Variants in PKD1L1 observed in about 807,000 individuals in gnomAD.
The protein encoded by PKD1L1 is polycystin 1 like 1, transient receptor potential channel interacting, also known as polycystin-1-like protein 1.
In PKD1L1, 236 loss-of-function variants were observed where a neutral mutation model predicts 323.4. The observed-to-expected ratio is 0.73, with a 90% CI of 0.66 to 0.81. The LOEUF is 0.81. PKD1L1 is among the 40% of genes least tolerant of loss of function. The pLI, the probability that PKD1L1 is intolerant of heterozygous loss-of-function variation, is 0.00. For missense variants in PKD1L1, 3,320 were observed against 3,508.0 expected (o/e 0.95, Z 1.35); for synonymous variants, 1,344 against 1,335.0 (o/e 1.01, Z -0.15).
chr7:47,921,129 C>T (rs1166733426), intron 7 of PKD1L1, among the ~76,000 whole-genome samples: 4 of 151,488 alleles, frequency 2.6e-5, no homozygotes, highest in Non-Finnish European at 5.9e-5. Context: ...GAAAAAAAAT[C>T]TTCACAATCT....
At chr7:47,901,110 C>T (rs531087580) in intron 13 of PKD1L1, among the ~76,000 whole-genome samples, 2 of 151,984 alleles carry the variant, frequency 1.3e-5, no homozygotes, top group African/African-American at 4.8e-5. Context: ...GAGGCCAAGG[C>T]AGGTGGATCA....
intron 23 of PKD1L1, among the ~76,000 whole-genome samples, chr7:47,874,463 A>T (rs1786357225): frequency 6.6e-6 from 1 of 152,174 alleles, no homozygotes; most frequent in Admixed American, 6.5e-5. Flanking sequence ...TGCCCTATGT[A>T]TCTTTATAAC....
chr7:47,913,068 G>A (rs567408217), intron 8 of PKD1L1, among the ~76,000 whole-genome samples: 1 of 152,080 alleles, frequency 6.6e-6, no homozygotes, highest in South Asian at 2.1e-4. Flanking sequence ...TGATGCTGCT[G>A]GGCCAAACTT....
At chr7:47,923,457 G>A (rs910683013) in intron 7 of PKD1L1, among the ~76,000 whole-genome samples, 4 of 151,678 alleles carry the variant, frequency 2.6e-5, no homozygotes, top group East Asian at 1.9e-4. Flanking sequence ...GGTGATGGTT[G>A]CACCAAAATC....
chr7:47,858,422 A>C (rs1785950826), intron 27 of PKD1L1, among the ~76,000 whole-genome samples: 1 of 152,196 alleles, frequency 6.6e-6, no homozygotes, highest in South Asian at 2.1e-4. Context: ...AAATATCCCA[A>C]ATGAAAATCT....
intron 19 of PKD1L1, among the ~76,000 whole-genome samples, chr7:47,882,759 C>T (rs1452486714): frequency 6.6e-6 from 1 of 152,108 alleles, no homozygotes; most frequent in Non-Finnish European, 1.5e-5. Flanking sequence ...ATGCTGGGTG[C>T]ACAGCCACGG....
intron 56 of PKD1L1, among the ~76,000 whole-genome samples, chr7:47,778,486 G>GT (rs1474731752): frequency 6.6e-6 from 1 of 152,126 alleles, no homozygotes; most frequent in Non-Finnish European, 1.5e-5. Context: ...ATACAGACCT[G>GT]GTGGCTCATC....
At chr7:47,959,516 C>G in the PKD1L1 span, among the ~76,000 whole-genome samples, 2 of 149,872 alleles carry the variant, frequency 1.3e-5, no homozygotes, top group East Asian at 4.0e-4. Flanking sequence ...CGGCCGCGAC[C>G]CCGTCTGGGA....
chr7:47,876,031 CCA>C, intron 23 of PKD1L1, 64 bp downstream of exon 23: 1 of 1,546,596 alleles, frequency 6.5e-7, no homozygotes, highest in Non-Finnish European at 8.8e-7. Flanking sequence ...TTTTTGAAAA[CCA>C]GGAAAAAAGG....
chr7:47,836,393 G>A (rs1663244002), intron 37 of PKD1L1, among the ~76,000 whole-genome samples: 1 of 152,102 alleles, frequency 6.6e-6, no homozygotes, highest in South Asian at 2.1e-4. Flanking sequence ...CTCAGTCCAC[G>A]TCCTGCTGTG....
At chr7:47,835,895 C>T (rs1209341103) in intron 37 of PKD1L1, among the ~76,000 whole-genome samples, 2 of 152,198 alleles carry the variant, frequency 1.3e-5, no homozygotes, top group Non-Finnish European at 2.9e-5. Context: ...AAATGCTTGC[C>T]GAGCACCCAC....
the PKD1L1 span, among the ~76,000 whole-genome samples, chr7:47,957,862 A>AATATATATATATATAT: frequency 3.7e-3 from 499 of 134,668 alleles, 1 homozygote; most frequent in Non-Finnish European, 6.1e-3. Flanking sequence ...ATTAAAAAAA[A>AATATATATATATATAT]ATATATATAT....
At position 47,946,735 on chromosome 7, in the gene PKD1L1, C is replaced by A. The variant is rs1725037994; in HGVS notation, c.44+1662G>T. On this transcript the variant is annotated intron_variant, in intron 1 of 56. Transcript: ENST00000289672. The surrounding 1 kb of genome is among the most constrained non-coding windows in gnomAD (Gnocchi z 4.1). ...TGAGGGCTACAGGAGAGTCAAGAAA[C>A]CTCTTCTGTTTCTATGAACAAGATC... Among the ~76,000 whole-genome samples the A allele has an allele frequency of 6.6e-6, 1 of 152,092 alleles. No homozygotes were observed. The highest frequency in any genetic ancestry group is 2.4e-5 in the African/African-American group (1 of 41,394).
intron 14 of PKD1L1, among the ~76,000 whole-genome samples, chr7:47,895,919 TAGAGA>T (rs1786925967): frequency 6.6e-6 from 1 of 152,168 alleles, no homozygotes; most frequent in Non-Finnish European, 1.5e-5. Flanking sequence ...GTTTAGTTGA[TAGAGA>T]AAAGGGGAGA....
chr7:47,793,524 C>T (rs1245300436), intron 55 of PKD1L1, among the ~76,000 whole-genome samples: 1 of 152,160 alleles, frequency 6.6e-6, no homozygotes, highest in Non-Finnish European at 1.5e-5. Context: ...CACCTCTCGC[C>T]ATGATTCTGA....
At chr7:47,929,912 T>C (rs985392827) in intron 6 of PKD1L1, among the ~76,000 whole-genome samples, 2 of 152,246 alleles carry the variant, frequency 1.3e-5, no homozygotes, top group Non-Finnish European at 2.9e-5. Context: ...CTCCCACAAG[T>C]CACTACTTCC....
chr7:47,876,569 C>CAGCAGGAGG (rs1473610208), intron 22 of PKD1L1, among the ~76,000 whole-genome samples: 1 of 152,134 alleles, frequency 6.6e-6, no homozygotes, highest in African/African-American at 2.4e-5. Flanking sequence ...GGGCATCACA[C>CAGCAGGAGG]AGCAGGAGGA....
chr7:47,902,485 A>G lies in PKD1L1; in HGVS notation c.1958T>C (p.Leu653Pro), dbSNP rs113793570. 1.2e-6 allele frequency: 2 copies of G among 1,614,076 alleles called. No individual in the cohort carries two copies. The highest frequency in any genetic ancestry group is 1.7e-6 in the Non-Finnish European group (2 of 1,180,004). ...GGAGGCACTGACATTATTGAAGGCAAGGACCTCCACTGTAAATTCTCCTTC... is the reference window on the plus strand; with the variant it reads ...GGAGGCACTGACATTATTGAAGGCAGGGACCTCCACTGTAAATTCTCCTTC... ...SREGEFTVEVLAFNNVSASTL... is the reference protein window; with the variant it reads ...SREGEFTVEVPAFNNVSASTL... Residue 653 changes from leucine (L) to proline (P), a missense_variant, in exon 13 of 57, where the codon CTT becomes CCT. Physicochemically the swap from Leu to Pro is moderately conservative, Grantham distance 98 (BLOSUM62 -3). Transcript: ENST00000289672.
chr7:47,833,347 G>T, intron 40 of PKD1L1, 95 bp from the exon 41 acceptor site: 1 of 1,386,730 alleles, frequency 7.2e-7, no homozygotes, highest in Non-Finnish European at 9.8e-7. Context: ...CTTCTCAGAG[G>T]ACAGGCCTGG....
Sources: allele counts gnomAD v4.1 joint callset (sites outside exome capture counted in the v4.1 genomes callset), GRCh38; gene constraint gnomAD v4.1.1; non-coding constraint Gnocchi (gnomAD v3.1); transcripts MANE v1.5; gene names NCBI Gene and HGNC (gene_info 2026-07-23, HGNC 2026-07-21).